The following FOXP1 variants were observed in gnomAD, a reference collection of about 807,000 sequenced individuals.
The protein encoded by FOXP1 is forkhead box protein P1.
FOXP1 carries 15 observed loss-of-function variants against 98.2 expected under a neutral mutation model. The observed-to-expected ratio is 0.15, with a 90% confidence interval of 0.10 to 0.24. FOXP1 has a LOEUF of 0.24. FOXP1 is among the 10% of genes least tolerant of loss of function. FOXP1 has a pLI of 1.00. For synonymous variants in FOXP1, 371 were observed against 314.5 expected (o/e 1.18, Z -1.90); for missense variants, 633 against 848.5 (o/e 0.75, Z 3.15).
chr3:71,159,888 C>G (rs189295108), intron 6 of FOXP1, among the ~76,000 whole-genome samples: 5 of 152,144 alleles, frequency 3.3e-5, no homozygotes, highest in Non-Finnish European at 5.9e-5. Flanking sequence ...AACACAGTTA[C>G]GCTCATAAGA....
intron 5 of FOXP1, among the ~76,000 whole-genome samples, chr3:71,291,127 C>A (rs1039469608): frequency 6.6e-6 from 1 of 152,140 alleles, no homozygotes; most frequent in Admixed American, 6.5e-5. Flanking sequence ...TTGTTTATCA[C>A]GCTTCGCTGG....
Position 71,001,499 on chromosome 3 carries a change from G to A in FOXP1, c.975-440C>T, listed in dbSNP as rs561156508. Among the ~76,000 whole-genome samples, 9 of 152,200 alleles carry A rather than the reference G, an allele frequency of 5.9e-5. No individual in the cohort carries two copies. In the East Asian group the frequency reaches 7.7e-4, roughly 13 times the overall value. On this transcript the variant is annotated intron_variant, in intron 12 of 20. Transcript: ENST00000649528. ...CATCCATATACTGAAATGCATTCACGTGAATGTCAGAAATGGCAAAGGGTA... is the reference window on the plus strand; with the variant it reads ...CATCCATATACTGAAATGCATTCACATGAATGTCAGAAATGGCAAAGGGTA...
intron 4 of FOXP1, among the ~76,000 whole-genome samples, chr3:71,306,464 C>T (rs954883625): frequency 3.3e-5 from 5 of 152,008 alleles, no homozygotes; most frequent in Non-Finnish European, 7.4e-5. Flanking sequence ...TCTCGTTTCT[C>T]TGCTTTGTCA....
intron 6 of FOXP1, among the ~76,000 whole-genome samples, chr3:71,117,523 C>A (rs773818953): frequency 6.6e-6 from 1 of 151,780 alleles, no homozygotes; most frequent in African/African-American, 2.4e-5. Flanking sequence ...ATACAGAATG[C>A]GTGTGAATAT....
At chr3:71,287,735 G>A (rs1450748657) in intron 5 of FOXP1, among the ~76,000 whole-genome samples, 2 of 151,772 alleles carry the variant, frequency 1.3e-5, no homozygotes, top group African/African-American at 4.8e-5. Context: ...AGCTGAGGTC[G>A]TGCCACTGCA....
chr3:71,172,150 G>C (rs1317031115), intron 6 of FOXP1, among the ~76,000 whole-genome samples: 1 of 151,990 alleles, frequency 6.6e-6, no homozygotes, highest in Non-Finnish European at 1.5e-5. Context: ...CTCGAGGGTA[G>C]TCCTCCATTA....
chr3:71,040,335 G>C (rs1336857682), intron 11 of FOXP1: 1 of 152,096 alleles, frequency 6.6e-6, no homozygotes, highest in Non-Finnish European at 1.5e-5. Flanking sequence ...GCTTTCTCCT[G>C]AGAGAAATGG....
At chr3:70,968,924 G>C (rs565299773) in intron 19 of FOXP1, 3 of 152,152 alleles carry the variant, frequency 2.0e-5, no homozygotes, top group South Asian at 4.1e-4. Context: ...CTCAAATCAT[G>C]AATTTGTATC....
chr3:71,023,457 C>G (rs2045701813), intron 11 of FOXP1, among the ~76,000 whole-genome samples: 1 of 152,180 alleles, frequency 6.6e-6, no homozygotes, highest in Non-Finnish European at 1.5e-5. Flanking sequence ...GCCCTATCTA[C>G]TAATAAAGAG....
At chr3:71,287,554 C>A (rs940629857) in intron 5 of FOXP1, among the ~76,000 whole-genome samples, 2 of 151,728 alleles carry the variant, frequency 1.3e-5, no homozygotes, top group African/African-American at 4.8e-5. Flanking sequence ...CTGAGAGGGG[C>A]AGATCACTTG....
At chr3:71,461,288 T>C (rs2088073226) in intron 3 of FOXP1, among the ~76,000 whole-genome samples, 1 of 152,316 alleles carries the variant, frequency 6.6e-6, no homozygotes, top group Non-Finnish European at 1.5e-5. Flanking sequence ...GGGTTGATGA[T>C]CTTATTCTCA....
intron 5 of FOXP1, among the ~76,000 whole-genome samples, chr3:71,201,158 T>C (rs951261820): frequency 6.6e-6 from 1 of 152,202 alleles, no homozygotes; most frequent in African/African-American, 2.4e-5. Context: ...GTTATATTCT[T>C]ACTGTCCACA....
chr3:71,461,524 C>T (rs1054766406), intron 3 of FOXP1, among the ~76,000 whole-genome samples: 4 of 151,952 alleles, frequency 2.6e-5, no homozygotes, highest in South Asian at 2.1e-4. Flanking sequence ...AACAAGAGGC[C>T]GGGCGTGGTG....
At chr3:71,088,772 T>C (rs914330435) in intron 7 of FOXP1, among the ~76,000 whole-genome samples, 1 of 152,220 alleles carries the variant, frequency 6.6e-6, no homozygotes, top group African/African-American at 2.4e-5. Flanking sequence ...GCTTTGAGAA[T>C]ATGCAACTTC....
chr3:71,178,492 G>A (rs1303456517), intron 6 of FOXP1, among the ~76,000 whole-genome samples: 1 of 152,142 alleles, frequency 6.6e-6, no homozygotes, highest in Non-Finnish European at 1.5e-5. Flanking sequence ...ACTCATGCCT[G>A]TAATCACTGC....
chr3:71,233,646 T>G (rs533021188), intron 5 of FOXP1, among the ~76,000 whole-genome samples: 52 of 149,944 alleles, frequency 3.5e-4, no homozygotes, highest in African/African-American at 1.2e-3. Context: ...TTCACCATAT[T>G]GGCCAGGCTG....
At chr3:71,201,659 A>G (rs2063683076) in intron 5 of FOXP1, among the ~76,000 whole-genome samples, 3 of 152,062 alleles carry the variant, frequency 2.0e-5, no homozygotes, top group South Asian at 2.1e-4. Flanking sequence ...GAAAAAAAAA[A>G]GAATTATAGG....
At chr3:71,064,545 G>A (rs921770773) in intron 7 of FOXP1, among the ~76,000 whole-genome samples, 5 of 151,972 alleles carry the variant, frequency 3.3e-5, no homozygotes, top group Admixed American at 3.3e-4. Flanking sequence ...GAGCGAGAGT[G>A]TGAGCCAAAG....
At chr3:70,999,180 C>T (rs986680519) in intron 13 of FOXP1, among the ~76,000 whole-genome samples, 3 of 152,070 alleles carry the variant, frequency 2.0e-5, no homozygotes, top group African/African-American at 7.2e-5. Flanking sequence ...ACCTCTACCT[C>T]CCGGGTTCAA....
Sources: gnomAD v4.1 joint callset for allele counts (sites outside exome capture counted in the v4.1 genomes callset) on GRCh38, gnomAD v4.1.1 for gene constraint, MANE v1.5 for transcripts, NCBI Gene and HGNC (gene_info 2026-07-23, HGNC 2026-07-21) for gene names.